The following EYA1 variants were observed in gnomAD, a reference collection of about 807,000 sequenced individuals.
The protein encoded by EYA1 is EYA transcriptional coactivator and phosphatase 1.
Under a neutral mutation model 82.0 loss-of-function variants are expected in EYA1, and 16 were observed. The ratio of observed to expected loss-of-function variants is 0.20; its 90% CI spans 0.13 to 0.30. The LOEUF is 0.30. EYA1 is among the 10% of genes least tolerant of loss of function. The probability of loss-of-function intolerance (pLI) is 1.00; values close to 1 mark genes in which losing one functional copy is unlikely to be tolerated. For missense variants in EYA1, 633 were observed against 730.7 expected (o/e 0.87, Z 1.54); for synonymous variants, 261 against 264.4 (o/e 0.99, Z 0.12).
At position 71,386,785 on chromosome 8, in the gene EYA1, G is replaced by A. The variant is rs72655704; in HGVS notation, c.34-30274C>T. 6.2e-3 allele frequency among the ~76,000 whole-genome samples: 940 copies of A among 152,286 alleles called. 10 individuals are homozygous for A. Among genetic ancestry groups the A allele is most frequent in the South Asian group, 0.018 (89 of 4,824 alleles). Reference sequence around the variant, plus strand: ...ATTGCTTGCTCATGCCTATATAAGTGAATATTGATGAGAAGTCAAGGATGA... The same window carrying A: ...ATTGCTTGCTCATGCCTATATAAGTAAATATTGATGAGAAGTCAAGGATGA... On this transcript the variant is annotated intron_variant, in intron 2 of 18. Coordinates refer to the EYA1 transcript ENST00000643681.
chr8:71,313,867 T>C (rs10095184), intron 7 of EYA1, among the ~76,000 whole-genome samples: 28,420 of 152,196 alleles, frequency 0.19, 3,056 homozygotes, highest in Non-Finnish European at 0.24. Flanking sequence ...GATGCATACA[T>C]GTCACACTTC....
intron 4 of EYA1, among the ~76,000 whole-genome samples, chr8:71,327,234 A>G (rs887755202): frequency 6.6e-6 from 1 of 152,248 alleles, no homozygotes; most frequent in African/African-American, 2.4e-5. Flanking sequence ...CTTGGCATAT[A>G]GCAGGTGCTC....
intron 3 of EYA1, among the ~76,000 whole-genome samples, chr8:71,340,176 T>C (rs1824962643): frequency 6.6e-6 from 1 of 152,230 alleles, no homozygotes; most frequent in African/African-American, 2.4e-5. Flanking sequence ...GGTTCTTCAC[T>C]GTCTTCTGAA....
intron 4 of EYA1, among the ~76,000 whole-genome samples, chr8:71,323,593 T>C (rs1012494109): frequency 6.6e-6 from 1 of 152,162 alleles, no homozygotes; most frequent in African/African-American, 2.4e-5. Context: ...TCTTGCAAGC[T>C]CCCAGACTTC....
intron 11 of EYA1, among the ~76,000 whole-genome samples, chr8:71,262,919 T>A (rs534655508): frequency 3.9e-5 from 6 of 152,360 alleles, no homozygotes; most frequent in Non-Finnish European, 7.3e-5. Flanking sequence ...TCATCCTTTT[T>A]ATCTAATTTG....
chr8:71,474,912 G>A (rs1011944761), intron 2 of EYA1, among the ~76,000 whole-genome samples: 5 of 152,072 alleles, frequency 3.3e-5, no homozygotes, highest in African/African-American at 1.2e-4. Context: ...TGGGTGGATC[G>A]CCTAAGGTCA....
intron 1 of EYA1, among the ~76,000 whole-genome samples, chr8:71,539,111 A>T (rs768967800): frequency 1.6e-4 from 25 of 152,146 alleles, no homozygotes; most frequent in Non-Finnish European, 3.2e-4. Context: ...ACTAAGAGGC[A>T]TCTAGGGCCC....
chr8:71,459,882 C>G (rs1808235980), intron 2 of EYA1, among the ~76,000 whole-genome samples: 2 of 152,002 alleles, frequency 1.3e-5, no homozygotes, highest in Non-Finnish European at 2.9e-5. Flanking sequence ...ATTAATATTT[C>G]AATTAAGCTC....
intron 2 of EYA1, among the ~76,000 whole-genome samples, chr8:71,399,736 C>T (rs13249162): frequency 6.6e-6 from 1 of 151,982 alleles, no homozygotes; most frequent in Non-Finnish European, 1.5e-5. Flanking sequence ...AGTAATTTAT[C>T]GATTCAATGC....
intron 2 of EYA1, among the ~76,000 whole-genome samples, chr8:71,514,871 TTG>T (rs1159248920): frequency 6.6e-6 from 1 of 152,158 alleles, no homozygotes; most frequent in Non-Finnish European, 1.5e-5. Context: ...TTTTAGTTTA[TTG>T]TATCATTTAA....
intron 11 of EYA1, among the ~76,000 whole-genome samples, 180 bp downstream of exon 11, chr8:71,269,560 T>C (rs926619321): frequency 6.6e-6 from 1 of 152,220 alleles, no homozygotes; most frequent in Non-Finnish European, 1.5e-5. Context: ...GACCTAAAAA[T>C]AATATCTTCT....
intron 2 of EYA1, among the ~76,000 whole-genome samples, chr8:71,445,531 T>C (rs1198564789): frequency 6.6e-6 from 1 of 152,238 alleles, no homozygotes; most frequent in Admixed American, 6.5e-5. Context: ...GAACTGATTT[T>C]TTAAAAGTAA....
chr8:71,368,751 A>G (rs1312465549), intron 2 of EYA1, among the ~76,000 whole-genome samples: 1 of 152,148 alleles, frequency 6.6e-6, no homozygotes, highest in African/African-American at 2.4e-5. Flanking sequence ...AAATAAATGT[A>G]TTCATGATTA....
rs200008207 is a variant in EYA1 at position 71,215,634 on chromosome 8, T to G, written c.1455A>C (p.Ala485=). The change falls in exon 15 of 18, where the codon GCA becomes GCC. Residue 485 remains alanine (A), a synonymous_variant. Transcript: ENST00000340726. ...TDSWLTLALK[A]LSLIHSRTNC... is the part of the protein sequence containing the mutation. ...CTCACCGGGAGTGAATGAGCGAGAG[T>G]GCTTTCAGGGCCAGTGTCAACCAGG... The G allele has an allele frequency of 8.7e-6, 14 of 1,613,760 alleles. No individual in the cohort carries two copies. The highest frequency in any genetic ancestry group is 1.7e-6 in the Non-Finnish European group (2 of 1,179,900).
chr8:71,328,001 G>GC (rs1823368391), intron 4 of EYA1, among the ~76,000 whole-genome samples: 1 of 151,752 alleles, frequency 6.6e-6, no homozygotes, highest in Admixed American at 6.6e-5. Context: ...GATTACAGGT[G>GC]CCCGCCACCA....
At chr8:71,330,050 T>C (rs1283444728) in intron 4 of EYA1, among the ~76,000 whole-genome samples, 3 of 152,010 alleles carry the variant, frequency 2.0e-5, no homozygotes, top group Non-Finnish European at 4.4e-5. Flanking sequence ...GTGGGGAGCA[T>C]GTCTACCACA....
chr8:71,269,118 C>A (rs1816213002), intron 11 of EYA1, among the ~76,000 whole-genome samples: 1 of 152,022 alleles, frequency 6.6e-6, no homozygotes, highest in Non-Finnish European at 1.5e-5. Context: ...TTTGGGATAC[C>A]CAAATGTACA....
At chr8:71,277,120 T>TCA (rs1563383174) in intron 9 of EYA1, among the ~76,000 whole-genome samples, 7 of 32,546 alleles carry the variant, frequency 2.2e-4, no homozygotes, top group African/African-American at 7.4e-4. Flanking sequence ...CACACATTTT[T>TCA]TTTTTTTTTT....
chr8:71,299,189 C>T lies in EYA1; in HGVS notation c.684G>A (p.Gln228=). Residue 228 remains glutamine (Q), a synonymous_variant, in exon 9 of 18, where the codon CAG becomes CAA. Coordinates refer to ENST00000340726, the MANE Select transcript of EYA1 (RefSeq NM_000503.6). ...CTGGATACGGTGAGCTGTTATAATACTGTGCGTACTGACCCTGGCCAAAAC... is the reference window on the plus strand; with the variant it reads ...CTGGATACGGTGAGCTGTTATAATATTGTGCGTACTGACCCTGGCCAAAAC... ...YPSFGQGQYA[Q]YYNSSPYPAH... 6.2e-7 allele frequency: 1 copy of T among 1,614,148 alleles called. No homozygotes were observed. Among genetic ancestry groups the T allele is most frequent in the African/African-American group, 1.3e-5 (1 of 75,018 alleles).
Sources: allele counts gnomAD v4.1 joint callset (sites outside exome capture counted in the v4.1 genomes callset), GRCh38; gene constraint gnomAD v4.1.1; transcripts MANE v1.5; gene names NCBI Gene and HGNC (gene_info 2026-07-23, HGNC 2026-07-21).